RBPJ: variants seen among roughly 807,000 people sequenced by gnomAD.
RBPJ encodes recombination signal binding protein for immunoglobulin kappa J region.
In RBPJ, 9 loss-of-function variants were observed where a neutral mutation model predicts 67.8. That is an observed-to-expected ratio of 0.13 (90% CI 0.08 to 0.23). RBPJ has a LOEUF of 0.23. RBPJ is among the 10% of genes least tolerant of loss of function. The pLI is 1.00. For missense variants in RBPJ, 305 were observed against 595.6 expected, an observed-to-expected ratio of 0.51 and a Z score of 5.08; for synonymous variants, 198 against 203.3, an observed-to-expected ratio of 0.97 and a Z score of 0.22.
intron 1 of RBPJ, among the ~76,000 whole-genome samples, chr4:26,205,994 C>A (rs1013300334): frequency 9.5e-6 from 1 of 105,492 alleles, no homozygotes; most frequent in African/African-American, 3.8e-5. Context: ...ATGATATATG[C>A]GTATTTTTTT....
At chr4:26,250,306 T>G (rs552276790) in intron 1 of RBPJ, among the ~76,000 whole-genome samples, 10 of 151,640 alleles carry the variant, frequency 6.6e-5, no homozygotes, top group Non-Finnish European at 1.5e-4. Context: ...ATACATGTTG[T>G]AGCATAGATC....
At chr4:26,396,185 A>G (rs1339591718) in intron 2 of RBPJ, among the ~76,000 whole-genome samples, 1 of 152,260 alleles carries the variant, frequency 6.6e-6, no homozygotes, top group Non-Finnish European at 1.5e-5. Flanking sequence ...TTAAATTGAT[A>G]GTCAAATTAA....
intron 1 of RBPJ, among the ~76,000 whole-genome samples, chr4:26,297,263 T>G (rs528682463): frequency 6.6e-6 from 1 of 152,058 alleles, no homozygotes; most frequent in East Asian, 1.9e-4. Flanking sequence ...ACCACAGCAC[T>G]CAGCACTCTA....
At chr4:26,131,687 A>C in the RBPJ span, among the ~76,000 whole-genome samples, 3 of 152,238 alleles carry the variant, frequency 2.0e-5, no homozygotes, top group Non-Finnish European at 4.4e-5. Context: ...TATCCTTATA[A>C]GAGAAAGACA....
chr4:26,388,454 A>G (rs1428325377), intron 2 of RBPJ, among the ~76,000 whole-genome samples: 1 of 152,232 alleles, frequency 6.6e-6, no homozygotes, highest in African/African-American at 2.4e-5. Context: ...AAGCAGCAAT[A>G]GACCATGTGT....
chr4:26,308,803 A>C (rs1722331326), intron 1 of RBPJ, among the ~76,000 whole-genome samples: 1 of 152,228 alleles, frequency 6.6e-6, no homozygotes, highest in African/African-American at 2.4e-5. Flanking sequence ...ATACAGATGC[A>C]AAGAGTGAAA....
the RBPJ span, among the ~76,000 whole-genome samples, chr4:26,115,475 C>T: frequency 6.6e-6 from 1 of 152,116 alleles, no homozygotes. Context: ...AGCTCCGCCT[C>T]CTGGGTTCAC....
At chr4:26,347,258 G>A (rs1726262070) in intron 1 of RBPJ, among the ~76,000 whole-genome samples, 1 of 152,162 alleles carries the variant, frequency 6.6e-6, no homozygotes, top group Admixed American at 6.5e-5. Flanking sequence ...AGAGAGGTCA[G>A]GGTCGGAAAT....
At chr4:26,244,248 TACACA>T (rs1719773096) in intron 1 of RBPJ, among the ~76,000 whole-genome samples, 2 of 17,600 alleles carry the variant, frequency 1.1e-4, no homozygotes, top group African/African-American at 1.8e-4. Flanking sequence ...TATATATGTG[TACACA>T]TACACATATG....
chr4:26,288,910 T>G lies in RBPJ; in HGVS notation c.-166-73536T>G, dbSNP rs760683712. Among the ~76,000 whole-genome samples, 44 of 138,064 alleles carry G rather than the reference T, an allele frequency of 3.2e-4. 1 individual carries two copies. Among genetic ancestry groups the G allele is most frequent in the Non-Finnish European group, 1.5e-4 (9 of 61,028 alleles). The allele number at this position is 138,064 out of a possible 152,430, so 90.6% of individuals were successfully genotyped here. A position where few individuals can be genotyped will look rare whatever the true frequency, so the allele number is the denominator to read the frequency against. On this transcript the variant is annotated intron_variant, in intron 1 of 4. Transcript: ENST00000512351. ...TGGGGATTAAGCCCAGCACAAAGCA[T>G]AAGGCCTTTTCACCATCCTTCAAAT...
chr4:26,191,828 A>AGT, intron 1 of RBPJ, among the ~76,000 whole-genome samples: 1 of 152,308 alleles, frequency 6.6e-6, no homozygotes, highest in South Asian at 2.1e-4. Flanking sequence ...GCCTAGGCAC[A>AGT]GTGAACCACG....
chr4:26,431,183 G>C lies in RBPJ; in HGVS notation c.*176G>C. The C allele has an allele frequency of 1.9e-4, 7 of 36,384 alleles. No individual in the cohort carries two copies. The highest frequency in any genetic ancestry group is 3.8e-4 in the East Asian group (1 of 2,628). 2.3% of individuals were successfully genotyped at this position (36,384 alleles called of 1,614,324 possible). A position where few individuals can be genotyped will look rare whatever the true frequency, so the allele number is the denominator to read the frequency against. ...GCTGATTTGAAATGCAGAAGCCACA[G>C]TAAAAAAAAAAAAAAAAAAAAAAAA... On this transcript the variant is annotated 3_prime_UTR_variant, in exon 11 of 11. Coordinates refer to ENST00000355476, the MANE Select transcript of RBPJ (RefSeq NM_015874.6).
chr4:26,399,692 GT>G (rs1022600447), intron 2 of RBPJ, among the ~76,000 whole-genome samples: 27 of 148,640 alleles, frequency 1.8e-4, no homozygotes, highest in African/African-American at 6.1e-4. Context: ...TCCTTTTTTT[GT>G]TTTGTTTTTT....
At chr4:26,159,958 G>A (rs908836811), upstream of RBPJ, among the ~76,000 whole-genome samples, 6 of 147,032 alleles carry the variant, frequency 4.1e-5, no homozygotes, top group East Asian at 4.0e-4. Context: ...TCACTCTATC[G>A]CCCAGGCTGG....
intron 1 of RBPJ, among the ~76,000 whole-genome samples, chr4:26,331,576 G>C (rs1041741821): frequency 5.9e-5 from 9 of 152,114 alleles, no homozygotes; most frequent in African/African-American, 1.9e-4. Context: ...TGGTCAGCTC[G>C]GAGCCTGCCT....
intron 1 of RBPJ, among the ~76,000 whole-genome samples, chr4:26,368,531 T>C (rs1344042818): frequency 6.6e-6 from 1 of 152,222 alleles, no homozygotes; most frequent in Non-Finnish European, 1.5e-5. Flanking sequence ...GTCTTTCCTT[T>C]GGTTGTCATC....
At chr4:26,261,913 G>A (rs929321305) in intron 1 of RBPJ, among the ~76,000 whole-genome samples, 7 of 152,148 alleles carry the variant, frequency 4.6e-5, no homozygotes, top group African/African-American at 1.7e-4. Context: ...AATGTCTTAT[G>A]ACTATTTTAA....
intron 1 of RBPJ, among the ~76,000 whole-genome samples, chr4:26,199,294 A>T (rs1189349650): frequency 6.6e-6 from 1 of 152,180 alleles, no homozygotes; most frequent in Non-Finnish European, 1.5e-5. Context: ...AATACAAAAA[A>T]TTAGCTGGGC....
At chr4:26,359,490 C>T (rs371752521) in intron 1 of RBPJ, among the ~76,000 whole-genome samples, 3 of 150,190 alleles carry the variant, frequency 2.0e-5, no homozygotes, top group Non-Finnish European at 4.4e-5. Context: ...GTCCGACCCT[C>T]TTCCTCGGTT....
Sources: allele counts gnomAD v4.1 joint callset (sites outside exome capture counted in the v4.1 genomes callset), GRCh38; gene constraint gnomAD v4.1.1; transcripts MANE v1.5; gene names NCBI Gene and HGNC (gene_info 2026-07-23, HGNC 2026-07-21).